GALNT13: variants seen among roughly 807,000 people sequenced by gnomAD.
GALNT13 encodes polypeptide N-acetylgalactosaminyltransferase 13.
GALNT13 carries 28 observed loss-of-function variants against 64.2 expected under a neutral mutation model. The ratio of observed to expected loss-of-function variants is 0.44; its 90% CI spans 0.32 to 0.60. The LOEUF (loss-of-function observed/expected upper bound fraction) is 0.60, where lower values mean the gene tolerates loss of function less well. Among genes scored for constraint, GALNT13 ranks in the 20% least tolerant of loss-of-function variants. GALNT13 has a pLI of 0.05. For missense variants in GALNT13, 577 were observed against 669.8 expected (o/e 0.86, Z 1.53); for synonymous variants, 214 against 224.6 (o/e 0.95, Z 0.42).
the GALNT13 span, among the ~76,000 whole-genome samples, chr2:153,773,119 C>T: frequency 1.3e-5 from 2 of 152,212 alleles, no homozygotes; most frequent in Admixed American, 6.5e-5. Context: ...CTGGGTCTGG[C>T]CTGGTATTCC....
the GALNT13 span, among the ~76,000 whole-genome samples, chr2:153,754,493 C>T: frequency 1.3e-5 from 2 of 152,218 alleles, no homozygotes; most frequent in Admixed American, 1.3e-4. Flanking sequence ...GAACTAGGAC[C>T]TGAAATGACA....
intron 11 of GALNT13, among the ~76,000 whole-genome samples, chr2:154,420,809 T>C (rs1313081086): frequency 2.0e-5 from 3 of 152,194 alleles, no homozygotes; most frequent in African/African-American, 4.8e-5. Flanking sequence ...GTAAGGTAAA[T>C]AATGTCTGTG....
chr2:153,471,318 TAATA>T, the GALNT13 span, among the ~76,000 whole-genome samples: 12 of 152,262 alleles, frequency 7.9e-5, no homozygotes, highest in Admixed American at 5.2e-4. Context: ...AGATACTAAA[TAATA>T]AATATTTATT....
intron 9 of GALNT13, among the ~76,000 whole-genome samples, chr2:154,386,336 G>A (rs532628625): frequency 6.6e-6 from 1 of 152,182 alleles, no homozygotes; most frequent in South Asian, 2.1e-4. Context: ...TGATCCAAAG[G>A]AAGCAGGTGG....
At chr2:153,929,400 T>C (rs1690356459) in intron 2 of GALNT13, among the ~76,000 whole-genome samples, 1 of 152,148 alleles carries the variant, frequency 6.6e-6, no homozygotes, top group Admixed American at 6.6e-5. Flanking sequence ...GTTACATGGG[T>C]AAATTACATG....
At chr2:153,714,553 T>C in the GALNT13 span, among the ~76,000 whole-genome samples, 6 of 152,122 alleles carry the variant, frequency 3.9e-5, no homozygotes, top group Non-Finnish European at 7.4e-5. Context: ...CAGAGACCAA[T>C]TTTTTTAATG....
At chr2:153,770,984 A>C in the GALNT13 span, among the ~76,000 whole-genome samples, 2 of 152,152 alleles carry the variant, frequency 1.3e-5, no homozygotes, top group Non-Finnish European at 2.9e-5. Context: ...TAAACTTCTA[A>C]TCTAGAAGAG....
intron 4 of GALNT13, among the ~76,000 whole-genome samples, chr2:154,179,037 G>T (rs548365278): frequency 2.0e-5 from 3 of 152,000 alleles, no homozygotes; most frequent in African/African-American, 7.2e-5. Context: ...TTACCATGGC[G>T]TTCCCTTTGG....
chr2:153,185,463 C>A, the GALNT13 span, among the ~76,000 whole-genome samples: 6 of 152,064 alleles, frequency 3.9e-5, no homozygotes, highest in African/African-American at 1.2e-4. Flanking sequence ...TCCTTCAGTT[C>A]AGCTCTGATT....
the GALNT13 span, among the ~76,000 whole-genome samples, chr2:153,114,014 A>G: frequency 2.0e-5 from 3 of 152,008 alleles, no homozygotes; most frequent in African/African-American, 7.3e-5. Context: ...AATACCAGCC[A>G]TTTAGTTGCC....
the GALNT13 span, chr2:153,477,607 CTG>C: frequency 1.7e-4 from 24 of 140,094 alleles, no homozygotes; most frequent in African/African-American, 6.0e-4. Context: ...AATGACAAAA[CTG>C]TAACTCCTCA....
chr2:154,184,080 A>T (rs1374050234), intron 4 of GALNT13, among the ~76,000 whole-genome samples: 2 of 151,756 alleles, frequency 1.3e-5, no homozygotes, highest in Non-Finnish European at 2.9e-5. Flanking sequence ...GAATTTATAA[A>T]TTTATAATAT....
the GALNT13 span, among the ~76,000 whole-genome samples, chr2:153,789,072 T>G: frequency 6.6e-6 from 1 of 152,090 alleles, no homozygotes. Flanking sequence ...ATATTCAGGA[T>G]CTGAACTCAA....
At chr2:154,395,932 A>G in intron 9 of GALNT13, 59 bp from the exon 10 acceptor site, 1 of 1,462,880 alleles carries the variant, frequency 6.8e-7, no homozygotes, top group Non-Finnish European at 9.1e-7. Context: ...TAAATGTAGT[A>G]AAACAGTACT....
chr2:153,773,321 C>T, the GALNT13 span, among the ~76,000 whole-genome samples: 1 of 152,210 alleles, frequency 6.6e-6, no homozygotes, highest in Non-Finnish European at 1.5e-5. Flanking sequence ...CCCAGTGTAA[C>T]AGAACTAGTT....
chr2:153,390,093 A>G, the GALNT13 span, among the ~76,000 whole-genome samples: 2 of 152,162 alleles, frequency 1.3e-5, no homozygotes, highest in Admixed American at 1.3e-4. Context: ...TGTATTAAGA[A>G]AATGTGGCAC....
intron 6 of GALNT13, among the ~76,000 whole-genome samples, chr2:154,244,467 A>G (rs11686394): frequency 0.15 from 22,169 of 152,192 alleles, 1,636 homozygotes; most frequent in South Asian, 0.18. Flanking sequence ...TAAGACTTCA[A>G]TTGAAAATGA....
At chr2:153,681,893 A>G in the GALNT13 span, among the ~76,000 whole-genome samples, 1 of 151,796 alleles carries the variant, frequency 6.6e-6, no homozygotes, top group African/African-American at 2.4e-5. Flanking sequence ...AGAAATACGC[A>G]CAAGAAATTT....
chr2:153,774,854 G>T, the GALNT13 span, among the ~76,000 whole-genome samples: 2 of 152,186 alleles, frequency 1.3e-5, no homozygotes, highest in South Asian at 4.1e-4. Flanking sequence ...AGGCTGCAGT[G>T]AGCTATCATT....
Sources: gnomAD v4.1 joint callset for allele counts (sites outside exome capture counted in the v4.1 genomes callset) on GRCh38, gnomAD v4.1.1 for gene constraint, MANE v1.5 for transcripts, NCBI Gene and HGNC (gene_info 2026-07-23, HGNC 2026-07-21) for gene names.